The following PBRM1 variants were observed in gnomAD, a reference collection of about 807,000 sequenced individuals.
PBRM1 encodes polybromo 1.
In PBRM1, 27 loss-of-function variants were observed where a neutral mutation model predicts 194.5. The observed-to-expected ratio is 0.14, with a 90% CI of 0.10 to 0.19. The LOEUF (loss-of-function observed/expected upper bound fraction) is 0.19. PBRM1 is among the 10% of genes least tolerant of loss of function. PBRM1 has a pLI of 1.00. For missense variants in PBRM1, 1,466 were observed against 2,077.2 expected (o/e 0.71, Z 5.72); for synonymous variants, 655 against 693.2 (o/e 0.94, Z 0.87).
intron 26 of PBRM1, 113 bp downstream of exon 28, chr3:52,558,136 T>G (rs1437401706): frequency 2.7e-6 from 2 of 742,830 alleles, no homozygotes; most frequent in African/African-American, 3.5e-5. Context: ...GACTTCAAAC[T>G]TTGAATCTGT....
intron 22 of PBRM1, among the ~76,000 whole-genome samples, chr3:52,573,721 C>A (rs2088342105): frequency 6.6e-6 from 1 of 152,186 alleles, no homozygotes; most frequent in African/African-American, 2.4e-5. Flanking sequence ...GCAGAATAAA[C>A]TTTATTGGAA....
At chr3:52,606,301 A>G (rs2094347650) in intron 16 of PBRM1, among the ~76,000 whole-genome samples, 1 of 152,134 alleles carries the variant, frequency 6.6e-6, no homozygotes, top group African/African-American at 2.4e-5. Flanking sequence ...GAGCCACTGT[A>G]CCTGGCCCCT....
chr3:52,563,509 TA>T lies in PBRM1; in HGVS notation c.3876-17del. The T allele has an allele frequency of 6.3e-7, 1 of 1,586,542 alleles. No homozygotes were observed. On this transcript the variant is annotated splice_polypyrimidine_tract_variant and intron_variant, in intron 23 of 29. Transcript: ENST00000296302. ...AATTGGTTTTCTGAAAAAAGTGACA[TA>T]AAAAACCTAAAATCACCTAATGCCC...
rs1325471023 is a variant in PBRM1 at position 52,563,252 on chromosome 3, A to G, written c.4086+31T>C. 10 of 1,561,000 alleles carry G rather than the reference A, an allele frequency of 6.4e-6. 1 individual carries two copies. The highest frequency in any genetic ancestry group is 2.2e-5 in the South Asian group (2 of 89,346). On this transcript the variant is annotated intron_variant, in intron 24 of 29. Coordinates refer to ENST00000296302, the Ensembl canonical transcript of PBRM1. ...TCTGCTGCAAACCAAAGGTGGTAATAAGATAAGTAACAGGAACCTGTCACC... is the reference window on the plus strand; with the variant it reads ...TCTGCTGCAAACCAAAGGTGGTAATGAGATAAGTAACAGGAACCTGTCACC...
chr3:52,559,819 G>C (rs2083049740), intron 25 of PBRM1, among the ~76,000 whole-genome samples: 1 of 137,912 alleles, frequency 7.3e-6, no homozygotes, highest in South Asian at 2.5e-4. Flanking sequence ...AAGGCCATTT[G>C]AACAAACTAT....
At chr3:52,591,286 T>A (rs1039330970) in intron 17 of PBRM1, among the ~76,000 whole-genome samples, 1 of 152,146 alleles carries the variant, frequency 6.6e-6, no homozygotes, top group African/African-American at 2.4e-5. Flanking sequence ...GGACTTCCAG[T>A]ACTATGTTGA....
At chr3:52,550,523 G>A (rs2153373919) in exon 29 of PBRM1, 1 of 1,579,642 alleles carries the variant, frequency 6.3e-7, no homozygotes, top group Middle Eastern at 1.7e-4. Context: ...TGGGTCTTTG[G>A]TGGGGGAGCT....
In PBRM1 at chr3:52,586,697, TGGGGA is replaced by T; in HGVS notation, c.3124-14_3124-10del. The T allele has an allele frequency of 7.3e-7, 1 of 1,361,574 alleles. No individual in the cohort carries two copies. The highest frequency in any genetic ancestry group is 9.7e-7 in the Non-Finnish European group (1 of 1,028,732). 84.3% of individuals were successfully genotyped at this position (1,361,574 alleles called of 1,614,324 possible). A position where few individuals can be genotyped will look rare whatever the true frequency, so the allele number is the denominator to read the frequency against. On this transcript the variant is annotated splice_polypyrimidine_tract_variant and intron_variant, in intron 19 of 29. Coordinates refer to ENST00000296302, the Ensembl canonical transcript of PBRM1. ...CATAACTTAAAGTATTCCTGGGGGG[TGGGGA>T]GGGCATAAGAATAAAACTAGTTAGG...
At chr3:52,547,440 T>C (rs548922908), downstream of PBRM1, 161 of 233,440 alleles carry the variant, frequency 6.9e-4, 1 homozygote, top group Admixed American at 1.4e-3. Context: ...TCTGAGTTAA[T>C]AGAGCAAATG....
intron 22 of PBRM1, among the ~76,000 whole-genome samples, chr3:52,573,645 T>C (rs2088287006): frequency 6.6e-6 from 1 of 152,166 alleles, no homozygotes; most frequent in African/African-American, 2.4e-5. Context: ...TACTCCAAGT[T>C]ATGTCAGTGA....
At chr3:52,552,043 G>A (rs1000481609) in intron 27 of PBRM1, 3 of 152,134 alleles carry the variant, frequency 2.0e-5, no homozygotes, top group African/African-American at 4.8e-5. Flanking sequence ...AAAAAGCAGG[G>A]AGTTTTATAT....
At chr3:52,617,648 C>T (rs1466787718) in intron 13 of PBRM1, 110 bp from the exon 16 acceptor site, 1 of 763,406 alleles carries the variant, frequency 1.3e-6, no homozygotes, top group Non-Finnish European at 2.1e-6. Context: ...ATAATGATTA[C>T]AATTTATTGA....
At chr3:52,681,780 A>G (rs893247208), upstream of PBRM1, 2 of 972,332 alleles carry the variant, frequency 2.1e-6, no homozygotes, top group African/African-American at 1.7e-5. Flanking sequence ...GGGAGAAGGA[A>G]GGGCTTTAGA....
chr3:52,548,471 C>T (rs954544426), intron 29 of PBRM1, among the ~76,000 whole-genome samples: 2 of 151,032 alleles, frequency 1.3e-5, no homozygotes, highest in Non-Finnish European at 2.9e-5. Flanking sequence ...CTGTCGCCCT[C>T]GCTGGAGTGC....
At chr3:52,574,912 A>AT (rs2088913185) in intron 22 of PBRM1, among the ~76,000 whole-genome samples, 1 of 152,052 alleles carries the variant, frequency 6.6e-6, no homozygotes. Context: ...AAAATCTTTT[A>AT]TTTTTTGAGA....
At position 52,609,187 on chromosome 3, in the gene PBRM1, G is replaced by A. The variant is rs1317662446; in HGVS notation, c.2567+126C>T. 2.0e-5 allele frequency: 15 copies of A among 753,394 alleles called. No homozygotes were observed. Among genetic ancestry groups the A allele is most frequent in the Admixed American group, 1.1e-4 (4 of 35,366 alleles). 46.7% of individuals were successfully genotyped at this position (753,394 alleles called of 1,614,324 possible). A position where few individuals can be genotyped will look rare whatever the true frequency, so the allele number is the denominator to read the frequency against. ...AGAAGTTCTGGCTGATTAGAATTCAGAATAGCATGCTACCAACTACAAATC... is the reference window on the plus strand; with the variant it reads ...AGAAGTTCTGGCTGATTAGAATTCAAAATAGCATGCTACCAACTACAAATC... On this transcript the variant is annotated intron_variant, in intron 16 of 29. Transcript: ENST00000296302. The surrounding 1 kb of genome is among the most constrained non-coding windows in gnomAD (Gnocchi z 4.1).
intron 12 of PBRM1, among the ~76,000 whole-genome samples, chr3:52,627,932 G>C (rs1219292825): frequency 6.6e-6 from 1 of 152,150 alleles, no homozygotes; most frequent in African/African-American, 2.4e-5. Context: ...ATAAAATGAA[G>C]ATTCTATGGG....
intron 8 of PBRM1, among the ~76,000 whole-genome samples, chr3:52,644,342 C>T (rs2096223072): frequency 6.6e-6 from 1 of 151,972 alleles, no homozygotes; most frequent in Non-Finnish European, 1.5e-5. Context: ...ATTGATTTCA[C>T]TACCTAGAAA....
downstream of PBRM1, chr3:52,546,952 C>T (rs544071531): frequency 8.2e-5 from 19 of 232,992 alleles, no homozygotes; most frequent in South Asian, 9.1e-4. Context: ...AAAAATACAT[C>T]TGATAATAAG....
Sources: gnomAD v4.1 joint callset for allele counts (sites outside exome capture counted in the v4.1 genomes callset) on GRCh38, gnomAD v4.1.1 for gene constraint, Gnocchi (gnomAD v3.1) non-coding constraint, MANE v1.5 for transcripts, NCBI Gene and HGNC (gene_info 2026-07-23, HGNC 2026-07-21) for gene names.